Variants in ZNF518A observed in about 807,000 individuals in gnomAD.
ZNF518A encodes zinc finger protein 518.
ZNF518A carries 47 observed loss-of-function variants against 102.7 expected under a neutral mutation model. The observed-to-expected ratio is 0.46, with a 90% confidence interval of 0.36 to 0.58. The LOEUF (loss-of-function observed/expected upper bound fraction) is 0.58. Ranked by LOEUF, ZNF518A falls within the 20% of genes least tolerant of loss-of-function variation. ZNF518A has a pLI of 0.00. For synonymous variants in ZNF518A, 652 were observed against 594.6 expected, an observed-to-expected ratio of 1.10 and a Z score of -1.40; for missense variants, 1,793 against 1,699.8, an observed-to-expected ratio of 1.05 and a Z score of -0.96.
chr10:96,145,045 G>A (rs1194126457), intron 3 of ZNF518A, among the ~76,000 whole-genome samples: 1 of 86,532 alleles, frequency 1.2e-5, no homozygotes, highest in Admixed American at 1.2e-4. Flanking sequence ...ATTTGTTTTC[G>A]TATAAAATAC....
At position 96,157,454 on chromosome 10, in the gene ZNF518A, C is replaced by T. The variant is rs1554883462; in HGVS notation, c.1132C>T (p.His378Tyr). 6.2e-7 allele frequency: 1 copy of T among 1,613,666 alleles called. No homozygotes were observed. Among genetic ancestry groups the T allele is most frequent in the Non-Finnish European group, 8.5e-7 (1 of 1,179,754 alleles). ...AAGTGAAGAAAAGGATGAAAGACTA[C>T]ACTGTGAGAATAATGATAAAGCCCC... is the stretch of plus-strand genomic sequence containing the variant. ...HLSEEKDERL[H>Y]CENNDKAPES... Residue 378 changes from histidine (H) to tyrosine (Y), a missense_variant, in exon 6 of 6, where the codon CAC (histidine) becomes TAC (tyrosine). By Grantham distance (83) the His-to-Tyr change is moderately conservative. Around this residue, in one of 3 missense-constraint regions of ZNF518A, gnomAD observed 1,741 missense variants for 1,622.6 expected, o/e 1.07. Coordinates refer to ENST00000316045, the MANE Select transcript of ZNF518A (RefSeq NM_001330736.2).
At chr10:96,141,020 A>G (rs2081897763) in intron 3 of ZNF518A, among the ~76,000 whole-genome samples, 1 of 152,176 alleles carries the variant, frequency 6.6e-6, no homozygotes, top group Non-Finnish European at 1.5e-5. Flanking sequence ...TTGCAGCAAA[A>G]AAGTTTACAT....
At chr10:96,197,071 AT>A (rs781823661) in intron 1 of ZNF518A, 8 of 1,606,394 alleles carry the variant, frequency 5.0e-6, no homozygotes, top group Admixed American at 3.4e-5. Context: ...ATCCTGTTTA[AT>A]TTTTTTTAAA....
intron 3 of ZNF518A, among the ~76,000 whole-genome samples, chr10:96,145,122 T>C (rs1272020156): frequency 1.5e-4 from 22 of 151,168 alleles, no homozygotes; most frequent in Admixed American, 1.4e-3. Context: ...CAGGCTGGAG[T>C]GCAGTGGCGT....
rs2082732326 is a variant in ZNF518A at position 96,157,150 on chromosome 10, C to T, written c.828C>T (p.His276=). Residue 276 remains histidine, a synonymous_variant, in exon 6 of 6, where the codon CAC becomes CAT. Coordinates refer to ENST00000316045, the MANE Select transcript of ZNF518A (RefSeq NM_001330736.2). ...YCSYGATRRE[H]LVRHVITLHK... is the part of the protein sequence containing the mutation. ...GCTATGGTGCCACCAGGAGAGAACA[C>T]CTTGTAAGACATGTTATAACTTTGC... The T allele has an allele frequency of 1.9e-6, 3 of 1,613,488 alleles. No homozygotes were observed. The highest frequency in any genetic ancestry group is 2.5e-6 in the Non-Finnish European group (3 of 1,179,720).
chr10:96,148,821 T>C (rs2082293412), intron 3 of ZNF518A, among the ~76,000 whole-genome samples: 1 of 152,194 alleles, frequency 6.6e-6, no homozygotes, highest in African/African-American at 2.4e-5. Flanking sequence ...GTTCACACCA[T>C]TCTCCTGCCT....
rs375949397 is a variant in ZNF518A, at chr10:96,160,925, G to A, written c.*151G>A. ...ATTGTATTTCTGTGGAAGAGTAAAA[G>A]TTGTATGTATGATATTTGAAAATGC... On this transcript the variant is annotated 3_prime_UTR_variant, in exon 6 of 6. Transcript: ENST00000316045. 10 of 830,384 alleles carry A rather than the reference G, an allele frequency of 1.2e-5. No homozygotes were observed. Among genetic ancestry groups the A allele is most frequent in the African/African-American group, 8.9e-5 (5 of 56,018 alleles). 51.4% of individuals were successfully genotyped at this position (830,384 alleles called of 1,614,324 possible).
Position 96,199,931 on chromosome 10 carries a change from T to C in ZNF518A, n.36-3643T>C, listed in dbSNP as rs781797610. 1.2e-5 allele frequency: 5 copies of C among 425,244 alleles called. No homozygotes were observed. In the South Asian group the frequency reaches 1.9e-4, roughly 16 times the overall value. The allele number at this position is 425,244 out of a possible 1,614,324, so 26.3% of individuals were successfully genotyped here. ...CCCAGCTGCTTGGGAGGCTGAGGCA[T>C]GAGAATCACTTGAACTTGGGAGGCA... On this transcript the variant is annotated intron_variant and non_coding_transcript_variant, in intron 1 of 2. Coordinates refer to the ZNF518A transcript ENST00000442635.
chr10:96,194,387 T>C (rs1319722769), intron 1 of ZNF518A, among the ~76,000 whole-genome samples: 2 of 152,074 alleles, frequency 1.3e-5, no homozygotes, highest in African/African-American at 4.8e-5. Context: ...AATTCCCCAA[T>C]ATAAAAATTC....
At position 96,159,192 on chromosome 10, in the gene ZNF518A, C is replaced by T. The variant is rs782788282; in HGVS notation, c.2870C>T (p.Ala957Val). The change falls in exon 6 of 6, where the codon GCA becomes GTA. Residue 957 changes from alanine (A) to valine (V), a missense_variant. Transcript: ENST00000316045. ...GGGCTACCAGTTATTCCTGGAAATG[C>T]ACTTCCATTGGTTAATTCACAAGGT... Reference protein sequence around the residue: ...KPGLPVIPGNALPLVNSQGIP... With the variant: ...KPGLPVIPGNVLPLVNSQGIP... 6.2e-7 allele frequency: 1 copy of T among 1,613,762 alleles called. No homozygotes were observed. Among genetic ancestry groups the T allele is most frequent in the Non-Finnish European group, 8.5e-7 (1 of 1,179,746 alleles).
At position 96,159,021 on chromosome 10, in the gene ZNF518A, T is replaced by C; in HGVS notation, c.2699T>C (p.Leu900Pro). The C allele has an allele frequency of 6.2e-7, 1 of 1,613,710 alleles. No homozygotes were observed. Among genetic ancestry groups the C allele is most frequent in the Non-Finnish European group, 8.5e-7 (1 of 1,179,762 alleles). ...TQSDAIITQQ[L>P]VKDKLRATTQ... The stretch of plus-strand genomic sequence containing the variant: ...TCAGATGCGATAATAACACAGCAGC[T>C]TGTAAAAGACAAACTACGAGCCACC... Residue 900 changes from leucine to proline, a missense_variant, in exon 6 of 6, where the codon CTT becomes CCT. Leu to Pro is a moderately conservative substitution (Grantham distance 98, BLOSUM62 -3). Around this residue, in one of 3 missense-constraint regions of ZNF518A, gnomAD observed 1,741 missense variants for 1,622.6 expected, o/e 1.07. Transcript: ENST00000316045.
At position 96,163,260 on chromosome 10, in the gene ZNF518A, C is replaced by G. The variant is rs1175914568; in HGVS notation, c.*2486C>G. ...AGTTATTCTGAGGGAGGCAGACCTG[C>G]TTAGAGTTTCATTATTGCCATTGCA... On this transcript the variant is annotated 3_prime_UTR_variant, in exon 6 of 6. Transcript: ENST00000316045. The G allele has an allele frequency of 6.0e-6, 1 of 166,712 alleles. No homozygotes were observed. The highest frequency in any genetic ancestry group is 1.5e-5 in the Non-Finnish European group (1 of 68,062). 10.3% of individuals were successfully genotyped at this position (166,712 alleles called of 1,614,324 possible).
At chr10:96,168,494 G>A (rs1328073335), downstream of ZNF518A, among the ~76,000 whole-genome samples, 1 of 148,378 alleles carries the variant, frequency 6.7e-6, no homozygotes, top group Non-Finnish European at 1.5e-5. Context: ...TTTCATTTTA[G>A]CTTTATACTC....
chr10:96,162,066 A>G lies in ZNF518A; in HGVS notation c.*1292A>G, dbSNP rs1157747262. On this transcript the variant is annotated 3_prime_UTR_variant, in exon 6 of 6. Coordinates refer to ENST00000316045, the MANE Select transcript of ZNF518A (RefSeq NM_001330736.2). ...TTCTTGTGTTAACAAATTACGTGCTATATGATTTTTTGTTACATTGTTACA... is the reference window on the plus strand; with the variant it reads ...TTCTTGTGTTAACAAATTACGTGCTGTATGATTTTTTGTTACATTGTTACA... 1 of 166,948 alleles carries G rather than the reference A, an allele frequency of 6.0e-6. No homozygotes were observed. The highest frequency in any genetic ancestry group is 1.5e-5 in the Non-Finnish European group (1 of 68,002). The allele number at this position is 166,948 out of a possible 1,614,324, so 10.3% of individuals were successfully genotyped here.
intron 1 of ZNF518A, chr10:96,190,311 C>A: frequency 1.6e-6 from 1 of 613,144 alleles, no homozygotes; most frequent in Non-Finnish European, 3.0e-6. Context: ...GGAATCACGC[C>A]AGTAGTATTG....
At chr10:96,173,805 C>T (rs118158691) in intron 1 of ZNF518A, among the ~76,000 whole-genome samples, 35 of 152,278 alleles carry the variant, frequency 2.3e-4, no homozygotes, top group African/African-American at 6.0e-4. Flanking sequence ...CACTCCAAAA[C>T]AGGAGAATAG....
Position 96,203,125 on chromosome 10 carries a change from C to T in ZNF518A, n.36-449C>T, listed in dbSNP as rs955904885. ...AGGGTCTTTATTTGTTTCGTTCATC[C>T]TTGTATCTCCTGTGCCTAGAACAAT... On this transcript the variant is annotated intron_variant and non_coding_transcript_variant, in intron 1 of 2. Coordinates refer to the ZNF518A transcript ENST00000442635. Among the ~76,000 whole-genome samples the T allele has an allele frequency of 5.9e-5, 9 of 152,122 alleles. 1 individual carries two copies. Among genetic ancestry groups the T allele is most frequent in the Admixed American group, 2.0e-4 (3 of 15,284 alleles).
At position 96,158,176 on chromosome 10, in the gene ZNF518A, T is replaced by C. The variant is rs781934753; in HGVS notation, c.1854T>C (p.Tyr618=). 6 of 1,613,122 alleles carry C rather than the reference T, an allele frequency of 3.7e-6. No individual in the cohort carries two copies. Among genetic ancestry groups the C allele is most frequent in the Non-Finnish European group, 5.1e-6 (6 of 1,179,260 alleles). The change falls in exon 6 of 6, where the codon TAT becomes TAC. Residue 618 remains tyrosine (Y), a synonymous_variant. Transcript: ENST00000316045. ...NAYNSGDMHN[Y]CINYGNCELP... The stretch of plus-strand genomic sequence containing the variant: ...ACAACAGTGGAGATATGCATAATTA[T>C]TGCATTAATTATGGCAACTGTGAGT...
intron 3 of ZNF518A, among the ~76,000 whole-genome samples, chr10:96,134,418 G>A (rs1212109860): frequency 2.0e-5 from 3 of 152,052 alleles, no homozygotes; most frequent in African/African-American, 7.2e-5. Context: ...ATTTTTAGTG[G>A]AGACGAGGCT....
Sources: gnomAD v4.1 joint callset for allele counts (sites outside exome capture counted in the v4.1 genomes callset) on GRCh38, gnomAD v4.1.1 for gene constraint, gnomAD v4.1.1 regional missense constraint, MANE v1.5 for transcripts, NCBI Gene and HGNC (gene_info 2026-07-23, HGNC 2026-07-21) for gene names.